The following GRIP1 variants were observed in gnomAD, a reference collection of about 807,000 sequenced individuals.
The protein encoded by GRIP1 is glutamate receptor interacting protein 1.
In GRIP1, 45 loss-of-function variants were observed where a neutral mutation model predicts 129.9. That is an observed-to-expected ratio of 0.35 (90% CI 0.27 to 0.44). The LOEUF is 0.44. GRIP1 is among the 20% of genes least tolerant of loss of function. GRIP1 has a pLI of 1.00. For missense variants in GRIP1, 1,196 were observed against 1,396.8 expected, an observed-to-expected ratio of 0.86 and a Z score of 2.29; for synonymous variants, 530 against 520.8, an observed-to-expected ratio of 1.02 and a Z score of -0.24.
intron 1 of GRIP1, among the ~76,000 whole-genome samples, chr12:66,815,597 C>T (rs931746062): frequency 6.6e-6 from 1 of 151,830 alleles, no homozygotes; most frequent in Admixed American, 6.6e-5. Flanking sequence ...CCCATCTCTA[C>T]AAAAAATAAA....
At chr12:66,648,908 C>T (rs910533839) in intron 1 of GRIP1, among the ~76,000 whole-genome samples, 12 of 152,128 alleles carry the variant, frequency 7.9e-5, no homozygotes, top group South Asian at 4.1e-4. Context: ...GTGTAAGATA[C>T]GCCAGTGATC....
intron 10 of GRIP1, 90 bp downstream of exon 10, chr12:66,456,097 A>C (rs1301654700): frequency 1.3e-6 from 1 of 758,192 alleles, no homozygotes; most frequent in Admixed American, 2.4e-5. Flanking sequence ...CAGAAAAAAC[A>C]ACATCCATGA....
chr12:66,876,706 C>G (rs2040389064), intron 1 of GRIP1, among the ~76,000 whole-genome samples: 1 of 152,026 alleles, frequency 6.6e-6, no homozygotes, highest in Admixed American at 6.6e-5. Flanking sequence ...ACTGGGGCAG[C>G]AACCACCAGG....
At chr12:66,832,242 A>C (rs2039532673) in intron 1 of GRIP1, among the ~76,000 whole-genome samples, 1 of 152,212 alleles carries the variant, frequency 6.6e-6, no homozygotes, top group African/African-American at 2.4e-5. Flanking sequence ...AGAGAAAAAT[A>C]TTTTATAGCT....
At chr12:66,824,853 A>G (rs2136997040) in intron 1 of GRIP1, among the ~76,000 whole-genome samples, 1 of 152,302 alleles carries the variant, frequency 6.6e-6, no homozygotes, top group South Asian at 2.1e-4. Flanking sequence ...TGATAGCACA[A>G]AATCATATAA....
At chr12:66,979,560 T>C (rs12319687) in intron 1 of GRIP1, among the ~76,000 whole-genome samples, 2,832 of 152,180 alleles carry the variant, frequency 0.019, 93 homozygotes, top group African/African-American at 0.064. Flanking sequence ...TGAACCCACA[T>C]TGAACAAACC....
In GRIP1 at chr12:67,016,410, C is replaced by G. The variant is rs927827576; in HGVS notation, c.58+52640G>C. ...ATAAGAATAAATAAGACCCTTTATT[C>G]TTATTTTAGAAGGATTTTTCATATG... On this transcript the variant is annotated intron_variant, in intron 1 of 1. Coordinates refer to the GRIP1 transcript ENST00000643019. 8.5e-5 allele frequency among the ~76,000 whole-genome samples: 13 copies of G among 152,172 alleles called. No homozygotes were observed. The East Asian group carries it at 2.5e-3, about 29-fold the overall frequency.
intron 1 of GRIP1, among the ~76,000 whole-genome samples, chr12:66,906,615 C>A (rs1460551690): frequency 6.6e-6 from 1 of 152,098 alleles, no homozygotes; most frequent in Admixed American, 6.5e-5. Flanking sequence ...CACTCTGGGA[C>A]TAGGTCATCC....
intron 5 of GRIP1, among the ~76,000 whole-genome samples, chr12:66,527,229 A>T (rs2061277357): frequency 4.7e-5 from 7 of 148,314 alleles, no homozygotes; most frequent in Admixed American, 2.7e-4. Context: ...ATGCACACGT[A>T]TGTTTATTGC....
intron 16 of GRIP1, among the ~76,000 whole-genome samples, chr12:66,402,749 C>T (rs746325810): frequency 6.6e-5 from 10 of 152,158 alleles, no homozygotes; most frequent in East Asian, 1.9e-4. Context: ...AATATTGAGA[C>T]GAAGCATGAC....
rs542978080 is a variant in GRIP1, at chr12:66,529,035, T to C, written c.502+796A>G. Among the ~76,000 whole-genome samples, 276 of 151,746 alleles carry C rather than the reference T, an allele frequency of 1.8e-3. 1 individual carries two copies. The highest frequency in any genetic ancestry group is 6.2e-3 in the African/African-American group (258 of 41,354). On this transcript the variant is annotated intron_variant, in intron 5 of 24. Transcript: ENST00000359742. ...GATATAAAAATGGCCAACAAACATA[T>C]GAAAAAATGCTCAACATCACTAATG...
At chr12:66,564,030 G>C (rs2062638202) in intron 2 of GRIP1, 1 of 157,338 alleles carries the variant, frequency 6.4e-6, no homozygotes, top group African/African-American at 2.4e-5. Context: ...CATGAAATAA[G>C]CTTGTCTCCC....
Position 66,461,039 on chromosome 12 carries a change from C to T in GRIP1, c.1042+1885G>A, listed in dbSNP as rs1055369930. On this transcript the variant is annotated intron_variant, in intron 9 of 24. Coordinates refer to ENST00000359742, the MANE Select transcript of GRIP1 (RefSeq NM_001366722.1). ...GTGGAAGCTAGAATTACTTAAACTT[C>T]CTATCAGTTTCCTATCCCTGCAACA... 7.9e-5 allele frequency among the ~76,000 whole-genome samples: 12 copies of T among 152,228 alleles called. No individual in the cohort carries two copies. The East Asian group carries it at 2.1e-3, about 27-fold the overall frequency.
At chr12:66,785,861 T>A (rs1456355273) in intron 1 of GRIP1, among the ~76,000 whole-genome samples, 1 of 151,814 alleles carries the variant, frequency 6.6e-6, no homozygotes, top group Admixed American at 6.6e-5. Context: ...GTGGGAGGAT[T>A]GCTTGAGGCC....
At chr12:67,044,064 T>A (rs2043218324) in intron 1 of GRIP1, among the ~76,000 whole-genome samples, 1 of 152,102 alleles carries the variant, frequency 6.6e-6, no homozygotes, top group African/African-American at 2.4e-5. Context: ...TTAAGATAGG[T>A]GCCTATTAAT....
At chr12:66,450,075 C>A (rs777912355) in intron 11 of GRIP1, among the ~76,000 whole-genome samples, 1 of 151,204 alleles carries the variant, frequency 6.6e-6, no homozygotes, top group Non-Finnish European at 1.5e-5. Flanking sequence ...CCGAGTCGGG[C>A]GGATCACGAG....
chr12:66,668,616 A>G (rs2033917636), intron 1 of GRIP1, among the ~76,000 whole-genome samples: 1 of 152,162 alleles, frequency 6.6e-6, no homozygotes, highest in African/African-American at 2.4e-5. Flanking sequence ...ATGTTAGAGG[A>G]TACTAAAGAT....
At chr12:67,044,607 T>C (rs1010190126) in intron 1 of GRIP1, among the ~76,000 whole-genome samples, 1 of 152,186 alleles carries the variant, frequency 6.6e-6, no homozygotes, top group African/African-American at 2.4e-5. Flanking sequence ...TCCCAGGGTG[T>C]ATTATGTATA....
At chr12:66,593,603 TTAGA>T (rs1238450804) in intron 2 of GRIP1, among the ~76,000 whole-genome samples, 6 of 152,198 alleles carry the variant, frequency 3.9e-5, no homozygotes. Context: ...ATCATAAAAC[TTAGA>T]TAGAGAAGCT....
Sources: gnomAD v4.1 joint callset for allele counts (sites outside exome capture counted in the v4.1 genomes callset) on GRCh38, gnomAD v4.1.1 for gene constraint, MANE v1.5 for transcripts, NCBI Gene and HGNC (gene_info 2026-07-23, HGNC 2026-07-21) for gene names.